The following THADA variants were observed in gnomAD, a reference collection of about 807,000 sequenced individuals.
THADA encodes THADA armadillo repeat containing, also known as tRNA (32-2'-O)-methyltransferase regulator THADA.
A neutral mutation model predicts 219.8 loss-of-function variants in THADA; 213 were observed. That is an observed-to-expected ratio of 0.97 (90% CI 0.87 to 1.09). The LOEUF (loss-of-function observed/expected upper bound fraction) is 1.09. Ranked by LOEUF, THADA falls within the 50% of genes least tolerant of loss-of-function variation. The pLI, the probability that THADA is intolerant of heterozygous loss-of-function variation, is 0.00. For synonymous variants in THADA, 1,018 were observed against 828.9 expected, an observed-to-expected ratio of 1.23 and a Z score of -3.92; for missense variants, 2,956 against 2,311.3, an observed-to-expected ratio of 1.28 and a Z score of -5.72.
intron 31 of THADA, among the ~76,000 whole-genome samples, chr2:43,294,473 C>A (rs181460995): frequency 2.6e-4 from 40 of 152,290 alleles, no homozygotes; most frequent in Non-Finnish European, 2.9e-5. Context: ...TGGGGAACTA[C>A]AGGCCATCCC....
chr2:43,344,218 G>A lies in THADA; in HGVS notation c.4247C>T (p.Ala1416Val), dbSNP rs868103313. Residue 1416 changes from alanine (A) to valine (V), a missense_variant, in exon 30 of 38, where the codon GCC becomes GTC. Physicochemically the swap from Ala to Val is moderately conservative, Grantham distance 64. Coordinates refer to ENST00000405975, the MANE Select transcript of THADA (RefSeq NM_022065.5). ...CGTTCCGTGTTTGGAGTCTGAGTAG[G>A]CTTGCAACAAATGAAAAACCTAAAC... Reference protein sequence around the residue: ...TLLQVFHLLQAYSDSKHGTNS... With the variant: ...TLLQVFHLLQVYSDSKHGTNS... 2.5e-5 allele frequency: 40 copies of A among 1,605,100 alleles called. No individual in the cohort carries two copies. Among genetic ancestry groups the A allele is most frequent in the Middle Eastern group, 3.3e-4 (2 of 6,052 alleles).
chr2:43,547,113 T>C (rs1207878974), intron 20 of THADA, among the ~76,000 whole-genome samples: 17 of 152,198 alleles, frequency 1.1e-4, no homozygotes, highest in African/African-American at 4.1e-4. Context: ...AAGTATTTTA[T>C]TTCTCCTTCA....
intron 36 of THADA, among the ~76,000 whole-genome samples, chr2:43,245,380 T>C (rs1348325974): frequency 6.6e-6 from 1 of 151,976 alleles, no homozygotes; most frequent in Non-Finnish European, 1.5e-5. Flanking sequence ...ACCATATTGG[T>C]CAGGCTGGTC....
chr2:43,265,677 C>T (rs1050184466), intron 36 of THADA, among the ~76,000 whole-genome samples: 5 of 152,138 alleles, frequency 3.3e-5, no homozygotes, highest in African/African-American at 9.7e-5. Context: ...TGCTGTACAA[C>T]CCCACTTCTT....
chr2:43,385,932 G>A (rs1451696334), intron 29 of THADA, among the ~76,000 whole-genome samples: 1 of 150,482 alleles, frequency 6.6e-6, no homozygotes, highest in Non-Finnish European at 1.5e-5. Flanking sequence ...TGATTCTCAG[G>A]AAGCTAATGA....
chr2:43,579,898 T>A (rs189407784), intron 8 of THADA, among the ~76,000 whole-genome samples: 1 of 152,146 alleles, frequency 6.6e-6, no homozygotes, highest in Non-Finnish European at 1.5e-5. Context: ...GAACTTGTTA[T>A]GTGGGAAAGG....
intron 29 of THADA, among the ~76,000 whole-genome samples, chr2:43,390,475 T>A (rs982106406): frequency 6.6e-6 from 1 of 152,184 alleles, no homozygotes; most frequent in African/African-American, 2.4e-5. Context: ...AGTTTTCCCA[T>A]GTCTTGTGAT....
chr2:43,594,004 T>C (rs1701873248), intron 1 of THADA, among the ~76,000 whole-genome samples: 1 of 152,142 alleles, frequency 6.6e-6, no homozygotes, highest in Admixed American at 6.5e-5. Context: ...TCCAGATCAA[T>C]ACAAAGGAAA....
intron 26 of THADA, among the ~76,000 whole-genome samples, chr2:43,456,560 CT>C (rs75641594): frequency 5.4e-4 from 78 of 145,314 alleles, no homozygotes; most frequent in Admixed American, 8.9e-4. Context: ...CTTTTCTTTT[CT>C]TTTTTTTTTT....
At chr2:43,420,589 A>C (rs545562258) in intron 28 of THADA, among the ~76,000 whole-genome samples, 1 of 152,312 alleles carries the variant, frequency 6.6e-6, no homozygotes, top group South Asian at 2.1e-4. Flanking sequence ...ACACTGAAGA[A>C]AAGCTGGTCC....
Position 43,583,207 on chromosome 2 carries a change from T to C in THADA, c.534-1279A>G, listed in dbSNP as rs141224235. ...ACATCTCTAAATGAGTGAACTTATC[T>C]TCAACTCCAAATCTGCTGTACCTGC... is the stretch of plus-strand genomic sequence containing the variant. On this transcript the variant is annotated intron_variant, in intron 7 of 37. Coordinates refer to ENST00000405975, the MANE Select transcript of THADA (RefSeq NM_022065.5). Among the ~76,000 whole-genome samples, 1,297 of 152,338 alleles carry C rather than the reference T, an allele frequency of 8.5e-3. 6 individuals carry two copies. The highest frequency in any genetic ancestry group is 0.014 in the Non-Finnish European group (959 of 68,036).
At position 43,232,732 on chromosome 2, in the gene THADA, C is replaced by T; in HGVS notation, c.5447G>A (p.Cys1816Tyr). 6.2e-6 allele frequency: 10 copies of T among 1,613,998 alleles called. No homozygotes were observed. Among genetic ancestry groups the T allele is most frequent in the Non-Finnish European group, 8.5e-6 (10 of 1,179,886 alleles). ...GATCACCTGATGCATGCTCTCCACA[C>T]AGGCCACGAGGTCATCACTCTCTCC... is the stretch of plus-strand genomic sequence containing the variant. ...LLGESDDLVA[C>Y]VESMHQVEED... The change falls in exon 37 of 38, where the codon TGT becomes TAT. Residue 1816 changes from cysteine to tyrosine, a missense_variant. Physicochemically the swap from Cys to Tyr is radical, Grantham distance 194 (BLOSUM62 -2). Transcript: ENST00000405975.
At position 43,575,011 on chromosome 2, in the gene THADA, G is replaced by A; in HGVS notation, c.1054C>T (p.Leu352=). 1 of 1,610,006 alleles carries A rather than the reference G, an allele frequency of 6.2e-7. No homozygotes were observed. The highest frequency in any genetic ancestry group is 1.7e-5 in the Admixed American group (1 of 59,338). The change falls in exon 11 of 38, where the codon CTG becomes TTG. Residue 352 remains leucine (L), a synonymous_variant. Transcript: ENST00000405975. The stretch of plus-strand genomic sequence containing the variant: ...AAGATTCTAGACAGAAACATTTCCA[G>A]CGTTGGCTCTTTAATCCTGAAGAAA... The part of the protein sequence containing the change: ...TLSSQIKEPT[L]EMFLSRILAS...
intron 30 of THADA, 45 bp downstream of exon 30, chr2:43,344,077 T>A: frequency 7.2e-7 from 1 of 1,388,860 alleles, no homozygotes. Flanking sequence ...TCAAATGTAT[T>A]CCTAACCCCT....
chr2:43,250,712 A>G, intron 36 of THADA, among the ~76,000 whole-genome samples: 1 of 152,066 alleles, frequency 6.6e-6, no homozygotes, highest in East Asian at 1.9e-4. Context: ...AAAATAAAAT[A>G]AAATAAAATA....
intron 36 of THADA, among the ~76,000 whole-genome samples, chr2:43,262,970 T>C (rs769718375): frequency 2.0e-5 from 3 of 152,192 alleles, no homozygotes; most frequent in African/African-American, 4.8e-5. Flanking sequence ...ATCTCCCACT[T>C]TCCTCCTTAC....
chr2:43,301,949 G>A (rs113246577), intron 31 of THADA, among the ~76,000 whole-genome samples: 4 of 152,112 alleles, frequency 2.6e-5, no homozygotes, highest in African/African-American at 4.8e-5. Flanking sequence ...AGTGCCCTTC[G>A]TTTGCAGGAC....
At chr2:43,309,241 A>G (rs1677216120) in intron 31 of THADA, among the ~76,000 whole-genome samples, 1 of 152,254 alleles carries the variant, frequency 6.6e-6, no homozygotes, top group South Asian at 2.1e-4. Flanking sequence ...CATGCTTCTC[A>G]TGAATGCAAG....
In THADA at chr2:43,279,649, G is replaced by A. The variant is rs887895603; in HGVS notation, c.5296+116C>T. The A allele has an allele frequency of 5.2e-6, 7 of 1,337,842 alleles. No homozygotes were observed. In the African/African-American group the frequency reaches 7.7e-5, roughly 15 times the overall value. The allele number at this position is 1,337,842 out of a possible 1,614,324, so 82.9% of individuals were successfully genotyped here. A position where few individuals can be genotyped will look rare whatever the true frequency, so the allele number is the denominator to read the frequency against. On this transcript the variant is annotated intron_variant, in intron 36 of 37. Transcript: ENST00000405975. Reference sequence around the variant, plus strand: ...GCTTTCCCACTAAGATGGCAGAGTTGAGACACAGACCAAATGACCAACAAT... The same window carrying A: ...GCTTTCCCACTAAGATGGCAGAGTTAAGACACAGACCAAATGACCAACAAT...
Sources: gnomAD v4.1 joint callset for allele counts (sites outside exome capture counted in the v4.1 genomes callset) on GRCh38, gnomAD v4.1.1 for gene constraint, MANE v1.5 for transcripts, NCBI Gene and HGNC (gene_info 2026-07-23, HGNC 2026-07-21) for gene names.